Variants in SMAD5 observed in about 807,000 individuals in gnomAD.
SMAD5 encodes the protein SMAD family member 5.
Under a neutral mutation model 43.1 loss-of-function variants are expected in SMAD5, and 9 were observed. The observed-to-expected ratio is 0.21, with a 90% CI of 0.13 to 0.36. SMAD5 has a LOEUF of 0.36. Ranked by LOEUF, SMAD5 falls within the 10% of genes least tolerant of loss-of-function variation. The pLI is 1.00. For missense variants in SMAD5, 348 were observed against 574.0 expected (o/e 0.61, Z 4.02); for synonymous variants, 190 against 192.4 (o/e 0.99, Z 0.10).
At chr5:136,151,241 C>T (rs559238092) in intron 2 of SMAD5, among the ~76,000 whole-genome samples, 6 of 151,954 alleles carry the variant, frequency 3.9e-5, no homozygotes, top group African/African-American at 1.4e-4. Flanking sequence ...AGTAAATAAA[C>T]AAAGTTGATA....
chr5:136,153,681 T>A lies in SMAD5; in HGVS notation c.-80T>A. 8.5e-7 allele frequency: 1 copy of A among 1,175,612 alleles called. No individual in the cohort carries two copies. Among genetic ancestry groups the A allele is most frequent in the South Asian group, 1.5e-5 (1 of 68,040 alleles). The allele number at this position is 1,175,612 out of a possible 1,614,324, so 72.8% of individuals were successfully genotyped here. A position where few individuals can be genotyped will look rare whatever the true frequency, so the allele number is the denominator to read the frequency against. ...TTGGAACTTCTGCTTAGGACCTGTG[T>A]ATGACGTTTCACCTGTGATCTGTTC... On this transcript the variant is annotated 5_prime_UTR_variant, in exon 3 of 8. Coordinates refer to ENST00000545279, the MANE Select transcript of SMAD5 (RefSeq NM_005903.7).
Position 136,177,523 on chromosome 5 carries a change from T to G in SMAD5, c.*43T>G. The G allele has an allele frequency of 6.7e-7, 1 of 1,485,236 alleles. No homozygotes were observed. The highest frequency in any genetic ancestry group is 1.4e-5 in the African/African-American group (1 of 71,668). 92.0% of individuals were successfully genotyped at this position (1,485,236 alleles called of 1,614,324 possible). On this transcript the variant is annotated 3_prime_UTR_variant, in exon 8 of 8. Coordinates refer to ENST00000545279, the MANE Select transcript of SMAD5 (RefSeq NM_005903.7). ...CAATTATATTGTTAGTGGACTTGTT[T>G]TAATTTTAGAGAAACTTTGAGTACA...
Position 136,172,527 on chromosome 5 carries a change from C to T in SMAD5, c.869C>T (p.Ser290Phe). 1 of 1,611,162 alleles carries T rather than the reference C, an allele frequency of 6.2e-7. No homozygotes were observed. Among genetic ancestry groups the T allele is most frequent in the Non-Finnish European group, 8.5e-7 (1 of 1,177,438 alleles). ...CGTGTTGGAGAAGCTTTTCATGCAT[C>T]TTCTACTAGTGTGTTAGTAGATGGA... Reference protein sequence around the residue: ...NNRVGEAFHASSTSVLVDGFT... With the variant: ...NNRVGEAFHAFSTSVLVDGFT... Residue 290 changes from serine (S) to phenylalanine (F), a missense_variant, in exon 6 of 8, where the codon TCT (serine) becomes TTT (phenylalanine). By Grantham distance (155) the Ser-to-Phe change is radical. Around this residue, in one of 5 missense-constraint regions of SMAD5, gnomAD observed 185 missense variants for 207.0 expected, o/e 0.89. Coordinates refer to ENST00000545279, the MANE Select transcript of SMAD5 (RefSeq NM_005903.7).
At chr5:136,174,258 C>T (rs190324793) in intron 6 of SMAD5, 118 bp from the exon 7 acceptor site, 22 of 890,090 alleles carry the variant, frequency 2.5e-5, no homozygotes, top group South Asian at 3.5e-5. Flanking sequence ...TAACTTCTGT[C>T]TAAAGACTGC....
At chr5:136,138,890 T>C (rs985840804) in intron 1 of SMAD5, among the ~76,000 whole-genome samples, 2 of 152,208 alleles carry the variant, frequency 1.3e-5, no homozygotes, top group Non-Finnish European at 2.9e-5. Flanking sequence ...AAAAACCCCA[T>C]GTCCAATTAT....
chr5:136,132,940 G>C lies in SMAD5; in HGVS notation c.-267G>C, dbSNP rs939994789. On this transcript the variant is annotated 5_prime_UTR_variant, in exon 1 of 8. Transcript: ENST00000545279. ...GAGAAGCGCAGCGACGGCGTCGGGA[G>C]AGCGCGCCTAGCCGGCTCGCGAGTG... The C allele has an allele frequency of 5.2e-5, 8 of 152,388 alleles. No homozygotes were observed. Among genetic ancestry groups the C allele is most frequent in the African/African-American group, 1.9e-4 (8 of 41,586 alleles). The allele number at this position is 152,388 out of a possible 1,614,324, so 9.4% of individuals were successfully genotyped here.
intron 1 of SMAD5, among the ~76,000 whole-genome samples, chr5:136,145,824 A>G (rs1046354633): frequency 2.0e-5 from 3 of 151,922 alleles, no homozygotes; most frequent in African/African-American, 7.2e-5. Flanking sequence ...ATTTGAACCC[A>G]AGTTTATTAG....
chr5:136,151,361 T>C (rs1267601068), intron 2 of SMAD5, among the ~76,000 whole-genome samples: 1 of 152,082 alleles, frequency 6.6e-6, no homozygotes, highest in Non-Finnish European at 1.5e-5. Context: ...GTCAGGGAAT[T>C]CCTCTTTCAG....
rs1753546095 is a variant in SMAD5 at position 136,153,893 on chromosome 5, A to G, written c.133A>G (p.Lys45Glu). The stretch of plus-strand genomic sequence containing the variant: ...TGCTTTGGTGAAGAAACTAAAAAAG[A>G]AAAAGGGTGCCATGGAGGAACTGGA... ...VDALVKKLKKKKGAMEELEKA... is the reference protein window; with the variant it reads ...VDALVKKLKKEKGAMEELEKA... Residue 45 changes from lysine to glutamate, a missense_variant, in exon 3 of 8, where the codon AAA (lysine) becomes GAA (glutamate). Coordinates refer to ENST00000545279, the MANE Select transcript of SMAD5 (RefSeq NM_005903.7). The G allele has an allele frequency of 6.2e-7, 1 of 1,613,922 alleles. No homozygotes were observed. Among genetic ancestry groups the G allele is most frequent in the South Asian group, 1.1e-5 (1 of 91,082 alleles).
chr5:136,167,525 C>G (rs1162049613), intron 5 of SMAD5, among the ~76,000 whole-genome samples: 1 of 152,046 alleles, frequency 6.6e-6, no homozygotes, highest in Non-Finnish European at 1.5e-5. Flanking sequence ...CTCCTGTAAT[C>G]CCAGCACTTT....
At chr5:136,165,028 G>T (rs945185768) in intron 5 of SMAD5, among the ~76,000 whole-genome samples, 6 of 152,066 alleles carry the variant, frequency 3.9e-5, no homozygotes, top group African/African-American at 7.2e-5. Context: ...AAATGCCAGG[G>T]TTTATTTCAG....
intron 4 of SMAD5, among the ~76,000 whole-genome samples, chr5:136,161,793 A>G (rs1753832972): frequency 6.6e-6 from 1 of 152,238 alleles, no homozygotes; most frequent in Admixed American, 6.5e-5. Context: ...GTCATATATA[A>G]GTACAGTAAG....
intron 1 of SMAD5, among the ~76,000 whole-genome samples, chr5:136,141,692 C>T (rs1753087804): frequency 6.6e-6 from 1 of 152,064 alleles, no homozygotes; most frequent in South Asian, 2.1e-4. Context: ...TCAGTTAATG[C>T]ACATATACTT....
At chr5:136,140,331 G>A (rs1362457006) in intron 1 of SMAD5, among the ~76,000 whole-genome samples, 2 of 152,166 alleles carry the variant, frequency 1.3e-5, no homozygotes. Flanking sequence ...TGTGCTCAGA[G>A]CTCTCCACTG....
At chr5:136,155,408 C>T (rs916537728) in intron 3 of SMAD5, among the ~76,000 whole-genome samples, 19 of 152,254 alleles carry the variant, frequency 1.2e-4, no homozygotes, top group Admixed American at 5.9e-4. Flanking sequence ...TAGTACAGTA[C>T]ATCATCATCA....
chr5:136,150,322 T>C (rs1753412450), intron 2 of SMAD5, among the ~76,000 whole-genome samples: 1 of 151,958 alleles, frequency 6.6e-6, no homozygotes, highest in South Asian at 2.1e-4. Flanking sequence ...ATTCTCATTT[T>C]ATCATTATCT....
intron 1 of SMAD5, among the ~76,000 whole-genome samples, chr5:136,145,396 A>G (rs556647711): frequency 2.6e-5 from 4 of 151,966 alleles, no homozygotes; most frequent in African/African-American, 7.2e-5. Context: ...AATTTGCAGG[A>G]TGGTTGTCAG....
intron 3 of SMAD5, among the ~76,000 whole-genome samples, chr5:136,160,239 A>G (rs1374206434): frequency 1.3e-5 from 2 of 152,250 alleles, no homozygotes; most frequent in Non-Finnish European, 2.9e-5. Flanking sequence ...GGAAAACCGT[A>G]CTGAACAACG....
At chr5:136,143,205 A>G (rs925363314) in intron 1 of SMAD5, among the ~76,000 whole-genome samples, 20 of 151,104 alleles carry the variant, frequency 1.3e-4, no homozygotes, top group African/African-American at 4.4e-4. Flanking sequence ...TTCATTATTC[A>G]GGGTTTAAAC....
Sources: gnomAD v4.1 joint callset for allele counts (sites outside exome capture counted in the v4.1 genomes callset) on GRCh38, gnomAD v4.1.1 for gene constraint, gnomAD v4.1.1 regional missense constraint, MANE v1.5 for transcripts, NCBI Gene and HGNC (gene_info 2026-07-23, HGNC 2026-07-21) for gene names.